Variants in AKAP11 observed in about 807,000 individuals in gnomAD.
AKAP11 encodes the protein A-kinase anchoring protein 11.
In AKAP11, 36 loss-of-function variants were observed where a neutral mutation model predicts 146.1. The ratio of observed to expected loss-of-function variants is 0.25; its 90% CI spans 0.19 to 0.33. The LOEUF (loss-of-function observed/expected upper bound fraction) is 0.33, where lower values mean the gene tolerates loss of function less well. Among genes scored for constraint, AKAP11 ranks in the 10% least tolerant of loss-of-function variants. The probability of loss-of-function intolerance (pLI) is 1.00; values close to 1 mark genes in which losing one functional copy is unlikely to be tolerated. For missense variants in AKAP11, 2,201 were observed against 2,197.0 expected (o/e 1.00, Z -0.04); for synonymous variants, 780 against 786.5 (o/e 0.99, Z 0.14).
At chr13:42,275,251 A>G (rs1003633465) in intron 1 of AKAP11, among the ~76,000 whole-genome samples, 3 of 152,154 alleles carry the variant, frequency 2.0e-5, no homozygotes, top group Non-Finnish European at 2.9e-5. Context: ...CTTGGTTTCC[A>G]CTTCCCCAAA....
intron 5 of AKAP11, 68 bp downstream of exon 5, chr13:42,295,810 A>T: frequency 6.9e-7 from 1 of 1,449,718 alleles, no homozygotes; most frequent in Non-Finnish European, 9.6e-7. Context: ...TTTGACCACA[A>T]AAGTCATTTA....
intron 9 of AKAP11, 52 bp from the exon 10 acceptor site, chr13:42,312,995 T>A: frequency 1.3e-6 from 2 of 1,495,402 alleles, no homozygotes; most frequent in South Asian, 2.3e-5. Context: ...AACAAAGGTC[T>A]TTTCTACTAT....
At chr13:42,310,136 T>A (rs1960480212) in intron 9 of AKAP11, among the ~76,000 whole-genome samples, 1 of 152,202 alleles carries the variant, frequency 6.6e-6, no homozygotes, top group East Asian at 1.9e-4. Context: ...GATAAATGCA[T>A]TTAGGCTCAG....
chr13:42,301,881 GA>G lies in AKAP11; in HGVS notation c.3140del (p.Lys1047SerfsTer4). The G allele has an allele frequency of 6.2e-7, 1 of 1,614,106 alleles. No individual in the cohort carries two copies. The highest frequency in any genetic ancestry group is 8.5e-7 in the Non-Finnish European group (1 of 1,179,988). Reference sequence around the variant, plus strand: ...AGGAATCTGCTAAGGATCAACCACTGAAAAAGCATAACTTGAATAGTACATC... The same window carrying G: ...AGGAATCTGCTAAGGATCAACCACTGAAAAGCATAACTTGAATAGTACATC... ...LKESAKDQPL[K>X]KHNLNSTSLE... On this transcript the variant is annotated frameshift_variant, in exon 8 of 13. Transcript: ENST00000025301. LOFTEE classifies it high-confidence loss of function.
intron 9 of AKAP11, among the ~76,000 whole-genome samples, chr13:42,311,444 A>G (rs1472435476): frequency 6.6e-6 from 1 of 152,206 alleles, no homozygotes; most frequent in African/African-American, 2.4e-5. Flanking sequence ...TCTTTAAAAA[A>G]GTGTCCTGGT....
At chr13:42,295,592 G>A (rs987701798) in intron 4 of AKAP11, 103 bp from the exon 5 acceptor site, 2 of 1,094,968 alleles carry the variant, frequency 1.8e-6, no homozygotes, top group African/African-American at 3.2e-5. Context: ...CAAGCAGACA[G>A]CATTTTAATG....
Position 42,302,744 on chromosome 13 carries a change from A to G in AKAP11, c.3998A>G (p.Tyr1333Cys), listed in dbSNP as rs546099563. Residue 1333 changes from tyrosine to cysteine, a missense_variant, in exon 8 of 13, where the codon TAT becomes TGT. Around this residue, in one of 3 missense-constraint regions of AKAP11, gnomAD observed 1,867 missense variants for 1,833.5 expected, o/e 1.02. Transcript: ENST00000025301. ...PPSSCMSGLM[Y>C]KYPSCESVTD... ...AGTTCTTGTATGTCAGGTCTGATGTATAAGTATCCCAGCTGTGAAAGTGTG... is the reference window on the plus strand; with the variant it reads ...AGTTCTTGTATGTCAGGTCTGATGTGTAAGTATCCCAGCTGTGAAAGTGTG... The G allele has an allele frequency of 1.2e-4, 199 of 1,614,176 alleles. No individual in the cohort carries two copies. Among genetic ancestry groups the G allele is most frequent in the Non-Finnish European group, 1.6e-4 (184 of 1,180,016 alleles).
rs1316325677 is a variant in AKAP11 at position 42,302,945 on chromosome 13, G to A, written c.4199G>A (p.Ser1400Asn). 3.1e-6 allele frequency: 5 copies of A among 1,613,814 alleles called. No homozygotes were observed. In the Admixed American group the frequency reaches 8.3e-5, roughly 27 times the overall value. The change falls in exon 8 of 13, where the codon AGT (serine) becomes AAT (asparagine). Residue 1400 changes from serine (S) to asparagine (N), a missense_variant. Around this residue, in one of 3 missense-constraint regions of AKAP11, gnomAD observed 1,867 missense variants for 1,833.5 expected, o/e 1.02. Transcript: ENST00000025301. ...AACTCAAGAATGTTCCCTGTGCCAA[G>A]TTCACAAGTGAAAACAAACAAGGAA... ...QCNSRMFPVPSSQVKTNKELL... is the reference protein window; with the variant it reads ...QCNSRMFPVPNSQVKTNKELL...
Position 42,317,390 on chromosome 13 carries a change from G to T in AKAP11, c.5405-138G>T. On this transcript the variant is annotated intron_variant, in intron 11 of 12. Coordinates refer to ENST00000025301, the MANE Select transcript of AKAP11 (RefSeq NM_016248.4). ...AAGTTTTAGTTGAGGTTATGGTGTG[G>T]TTAGAAAAAGATGGATATTTTTTTC... 3.4e-6 allele frequency: 3 copies of T among 871,004 alleles called. No individual in the cohort carries two copies. The South Asian group carries it at 6.0e-5, about 18-fold the overall frequency. The allele number at this position is 871,004 out of a possible 1,614,324, so 54.0% of individuals were successfully genotyped here. A position where few individuals can be genotyped will look rare whatever the true frequency, so the allele number is the denominator to read the frequency against.
intron 3 of AKAP11, among the ~76,000 whole-genome samples, 192 bp downstream of exon 3, chr13:42,286,591 A>G (rs1959168201): frequency 6.6e-6 from 1 of 152,230 alleles, no homozygotes; most frequent in Non-Finnish European, 1.5e-5. Flanking sequence ...TTTATTTCCT[A>G]AAGATCACAG....
chr13:42,295,824 G>A, intron 5 of AKAP11, 82 bp downstream of exon 5: 1 of 1,332,914 alleles, frequency 7.5e-7, no homozygotes, highest in Middle Eastern at 1.8e-4. Flanking sequence ...TCATTTATCT[G>A]AGAAGGTTGC....
chr13:42,293,889 G>C (rs1016380175), intron 4 of AKAP11, among the ~76,000 whole-genome samples: 2 of 152,162 alleles, frequency 1.3e-5, no homozygotes, highest in Non-Finnish European at 2.9e-5. Flanking sequence ...AAGGAAATTA[G>C]TTATTTGCCT....
chr13:42,302,044 A>C lies in AKAP11; in HGVS notation c.3298A>C (p.Thr1100Pro). 1 of 1,614,054 alleles carries C rather than the reference A, an allele frequency of 6.2e-7. No homozygotes were observed. Among genetic ancestry groups the C allele is most frequent in the Non-Finnish European group, 8.5e-7 (1 of 1,179,980 alleles). The change falls in exon 8 of 13, where the codon ACT (threonine) becomes CCT (proline). Residue 1100 changes from threonine to proline, a missense_variant. Physicochemically the swap from Thr to Pro is conservative, Grantham distance 38. This residue lies in a region of AKAP11 where 1,867 missense variants were observed against 1,833.5 expected (regional missense o/e 1.02). Transcript: ENST00000025301. ...KVRDRNVIPD[T>P]PPSTPLVPSR... is the part of the protein sequence containing the mutation. Reference sequence around the variant, plus strand: ...CAGAGACAGAAATGTAATACCTGATACTCCTCCATCAACTCCTCTAGTACC... The same window carrying C: ...CAGAGACAGAAATGTAATACCTGATCCTCCTCCATCAACTCCTCTAGTACC...
Position 42,301,930 on chromosome 13 carries a change from C to T in AKAP11, c.3184C>T (p.Gln1062Ter). The change falls in exon 8 of 13, where the codon CAG (glutamine) becomes TAG (stop). Residue 1062 changes from glutamine to a stop codon, truncating the protein, a stop_gained. Coordinates refer to ENST00000025301, the MANE Select transcript of AKAP11 (RefSeq NM_016248.4). LOFTEE classifies it high-confidence loss of function. ...STSLEALSFG[Q>*]ENPFPHSHTF... The stretch of plus-strand genomic sequence containing the variant: ...ATCACTTGAGGCCTTGTCTTTTGGA[C>T]AGGAAAACCCCTTTCCTCATTCACA... 1.2e-6 allele frequency: 2 copies of T among 1,614,158 alleles called. No individual in the cohort carries two copies. The highest frequency in any genetic ancestry group is 1.7e-5 in the Admixed American group (1 of 60,022).
intron 3 of AKAP11, among the ~76,000 whole-genome samples, chr13:42,291,665 G>A (rs1361899523): frequency 1.3e-5 from 2 of 152,152 alleles, no homozygotes; most frequent in Non-Finnish European, 2.9e-5. Flanking sequence ...GTCTTGGGAT[G>A]GGTAGGATTT....
rs745385109 is a variant in AKAP11, at chr13:42,302,244, C to T, written c.3498C>T (p.Leu1166=). ...TIEKEEFMLK[L]MRSLSEEVES... is the part of the protein sequence containing the mutation. ...AAAAAGAAGAGTTCATGTTGAAACT[C>T]ATGCGATCTCTTTCTGAAGAAGTTG... The change falls in exon 8 of 13, where the codon CTC becomes CTT. Residue 1166 remains leucine (L), a synonymous_variant. Transcript: ENST00000025301. 1 of 1,614,176 alleles carries T rather than the reference C, an allele frequency of 6.2e-7. No individual in the cohort carries two copies. The highest frequency in any genetic ancestry group is 8.5e-7 in the Non-Finnish European group (1 of 1,180,024).
intron 1 of AKAP11, among the ~76,000 whole-genome samples, chr13:42,285,461 T>G (rs1295255765): frequency 1.3e-5 from 2 of 152,262 alleles, no homozygotes; most frequent in Non-Finnish European, 2.9e-5. Flanking sequence ...ACTTCTACTC[T>G]TTATTGTGAT....
In AKAP11 at chr13:42,302,271, G is replaced by A. The variant is rs774175694; in HGVS notation, c.3525G>A (p.Glu1175=). Residue 1175 remains glutamate, a synonymous_variant, in exon 8 of 13, where the codon GAG becomes GAA. Coordinates refer to ENST00000025301, the MANE Select transcript of AKAP11 (RefSeq NM_016248.4). ...KLMRSLSEEV[E]SSESGELPEV... Reference sequence around the variant, plus strand: ...TGCGATCTCTTTCTGAAGAAGTTGAGAGTAGTGAAAGTGGAGAGCTCCCAG... The same window carrying A: ...TGCGATCTCTTTCTGAAGAAGTTGAAAGTAGTGAAAGTGGAGAGCTCCCAG... The A allele has an allele frequency of 6.2e-7, 1 of 1,614,192 alleles. No individual in the cohort carries two copies. The highest frequency in any genetic ancestry group is 2.2e-5 in the East Asian group (1 of 44,886).
At position 42,322,101 on chromosome 13, in the gene AKAP11, G is replaced by T. The variant is rs1184423132; in HGVS notation, c.*2873G>T. 1 of 152,266 alleles carries T rather than the reference G, an allele frequency of 6.6e-6. No individual in the cohort carries two copies. Among genetic ancestry groups the T allele is most frequent in the Non-Finnish European group, 1.5e-5 (1 of 67,990 alleles). 9.4% of individuals were successfully genotyped at this position (152,266 alleles called of 1,614,324 possible). A position where few individuals can be genotyped will look rare whatever the true frequency, so the allele number is the denominator to read the frequency against. ...ATCACAGAAGAAAATGACAATATCTGTTGGATATTTGATATAATTTAATGG... is the reference window on the plus strand; with the variant it reads ...ATCACAGAAGAAAATGACAATATCTTTTGGATATTTGATATAATTTAATGG... On this transcript the variant is annotated 3_prime_UTR_variant, in exon 13 of 13. Coordinates refer to ENST00000025301, the MANE Select transcript of AKAP11 (RefSeq NM_016248.4).
Sources: gnomAD v4.1 joint callset for allele counts (sites outside exome capture counted in the v4.1 genomes callset) on GRCh38, gnomAD v4.1.1 for gene constraint, gnomAD v4.1.1 regional missense constraint, MANE v1.5 for transcripts, NCBI Gene and HGNC (gene_info 2026-07-23, HGNC 2026-07-21) for gene names.